APBA2: variants seen among roughly 807,000 people sequenced by gnomAD.
APBA2 encodes the protein amyloid-beta A4 precursor protein-binding family A member 2.
APBA2 carries 30 observed loss-of-function variants against 75.0 expected under a neutral mutation model. The ratio of observed to expected loss-of-function variants is 0.40; its 90% confidence interval spans 0.30 to 0.54. The LOEUF (loss-of-function observed/expected upper bound fraction) is 0.54, where lower values mean the gene tolerates loss of function less well. APBA2 is among the 20% of genes least tolerant of loss of function. The probability of loss-of-function intolerance (pLI) is 0.49; values close to 1 mark genes in which losing one functional copy is unlikely to be tolerated. For synonymous variants in APBA2, 444 were observed against 409.6 expected, an observed-to-expected ratio of 1.08 and a Z score of -1.01; for missense variants, 801 against 1,016.1, an observed-to-expected ratio of 0.79 and a Z score of 2.88.
In APBA2 at chr15:29,064,590, C is replaced by T. The variant is rs533533949; in HGVS notation, c.951+9755C>T. On this transcript the variant is annotated intron_variant, in intron 4 of 14. Coordinates refer to ENST00000683413, the MANE Select transcript of APBA2 (RefSeq NM_001353788.2). ...TTGAGAGGGGCTTTGGGAAGTCAGC[C>T]GACAAGGTGGGGATGAACATAGAGG... is the stretch of plus-strand genomic sequence containing the variant. 2.5e-4 allele frequency among the ~76,000 whole-genome samples: 38 copies of T among 152,144 alleles called. No homozygotes were observed. In the South Asian group the frequency reaches 5.2e-3, roughly 21 times the overall value.
intron 2 of APBA2, among the ~76,000 whole-genome samples, chr15:28,954,468 G>A (rs1279769429): frequency 1.3e-5 from 2 of 152,114 alleles, no homozygotes; most frequent in Non-Finnish European, 2.9e-5. Flanking sequence ...TGGTTCCAAC[G>A]TTCCCTTCTG....
At chr15:29,106,232 C>T (rs1206728752) in intron 11 of APBA2, among the ~76,000 whole-genome samples, 2 of 152,116 alleles carry the variant, frequency 1.3e-5, no homozygotes, top group Non-Finnish European at 2.9e-5. Flanking sequence ...GAGAACATTC[C>T]TCTGGCCTCT....
At chr15:28,960,186 C>T (rs968784946) in intron 2 of APBA2, among the ~76,000 whole-genome samples, 9 of 147,780 alleles carry the variant, frequency 6.1e-5, no homozygotes, top group Non-Finnish European at 1.0e-4. Flanking sequence ...TGAGACTGGG[C>T]GAAGTGGCTC....
intron 2 of APBA2, among the ~76,000 whole-genome samples, chr15:28,941,236 C>G (rs942372141): frequency 6.6e-6 from 1 of 152,156 alleles, no homozygotes; most frequent in Admixed American, 6.5e-5. Flanking sequence ...TGAAGCGTCT[C>G]AGCACATCTG....
chr15:28,969,513 C>T (rs4424881), intron 2 of APBA2, among the ~76,000 whole-genome samples: 53,435 of 152,052 alleles, frequency 0.35, 15,731 homozygotes, highest in African/African-American at 0.8. Flanking sequence ...AGGAGATAAC[C>T]TGGAATTCTG....
intron 11 of APBA2, 136 bp from the exon 12 acceptor site, chr15:29,106,471 C>A: frequency 9.9e-7 from 1 of 1,006,238 alleles, no homozygotes; most frequent in South Asian, 1.5e-5. Flanking sequence ...CCTCTCCTGG[C>A]TGAGATGAGC....
chr15:29,054,521 A>T lies in APBA2; in HGVS notation c.637A>T (p.Arg213Trp), dbSNP rs545840181. 7 of 1,613,380 alleles carry T rather than the reference A, an allele frequency of 4.3e-6. No homozygotes were observed. The South Asian group carries it at 7.7e-5, about 18-fold the overall frequency. Residue 213 changes from arginine to tryptophan, a missense_variant, in exon 4 of 15, where the codon AGG becomes TGG. Transcript: ENST00000683413. The surrounding 1 kb of genome is among the most constrained non-coding windows in gnomAD (Gnocchi z 6.1). ...GNTGASPYRL[R>W]RGDGDLEDQE... is the part of the protein sequence containing the mutation. ...CACCGGCGCCTCCCCCTACCGCCTG[A>T]GGCGTGGGGATGGGGACCTGGAGGA...
intron 4 of APBA2, among the ~76,000 whole-genome samples, chr15:29,055,940 G>T (rs2041866212): frequency 6.6e-6 from 1 of 152,172 alleles, no homozygotes; most frequent in Admixed American, 6.5e-5. Context: ...GGTGTTGGGA[G>T]AGTTCACCCC....
chr15:28,999,312 C>T (rs2038720231), intron 3 of APBA2, among the ~76,000 whole-genome samples: 1 of 151,998 alleles, frequency 6.6e-6, no homozygotes. Context: ...GAACTACAGG[C>T]TGGAATAAAT....
chr15:28,895,743 A>T (rs1261996844), intron 1 of APBA2: 2 of 152,298 alleles, frequency 1.3e-5, no homozygotes, highest in Non-Finnish European at 2.9e-5. Context: ...ACTGCGCTGG[A>T]TGCTGGCTGA....
intron 3 of APBA2, among the ~76,000 whole-genome samples, chr15:29,050,333 C>G (rs1595833938): frequency 1.3e-5 from 2 of 152,120 alleles, no homozygotes; most frequent in East Asian, 3.9e-4. Context: ...AAAGAGTTAC[C>G]TCCTAAGTAA....
intron 9 of APBA2, 43 bp from the exon 10 acceptor site, chr15:29,101,555 TC>T: frequency 6.3e-7 from 1 of 1,591,816 alleles, no homozygotes; most frequent in African/African-American, 1.3e-5. Flanking sequence ...CAATGGATTG[TC>T]CCAGTAGTGT....
intron 1 of APBA2, among the ~76,000 whole-genome samples, chr15:28,894,567 G>A (rs1280220498): frequency 6.6e-6 from 1 of 152,166 alleles, no homozygotes; most frequent in Non-Finnish European, 1.5e-5. Flanking sequence ...CTGGAATGGG[G>A]CACCCTGGGC....
intron 2 of APBA2, among the ~76,000 whole-genome samples, chr15:28,990,180 CG>C (rs1432310088): frequency 6.6e-6 from 1 of 152,116 alleles, no homozygotes; most frequent in Admixed American, 6.6e-5. Context: ...GAGGCTGAGG[CG>C]GGTGGATCAC....
At chr15:28,988,834 T>A (rs1300056293) in intron 2 of APBA2, among the ~76,000 whole-genome samples, 1 of 152,048 alleles carries the variant, frequency 6.6e-6, no homozygotes, top group Non-Finnish European at 1.5e-5. Context: ...TGGGAGAGAG[T>A]ACAGTAATCT....
At chr15:29,080,160 T>G (rs540276155) in intron 6 of APBA2, among the ~76,000 whole-genome samples, 3 of 152,332 alleles carry the variant, frequency 2.0e-5, no homozygotes, top group Admixed American at 2.0e-4. Flanking sequence ...GTGCTTTCTT[T>G]GAGCCAGGCC....
chr15:29,052,684 G>A (rs1338398921), intron 3 of APBA2, among the ~76,000 whole-genome samples: 2 of 152,092 alleles, frequency 1.3e-5, no homozygotes, highest in Non-Finnish European at 2.9e-5. Context: ...TCTGTTTTCT[G>A]TTGCTATAAC....
chr15:28,919,680 T>C (rs569881767), intron 1 of APBA2, among the ~76,000 whole-genome samples: 2 of 152,198 alleles, frequency 1.3e-5, no homozygotes, highest in Non-Finnish European at 2.9e-5. Flanking sequence ...GTGAGCATCC[T>C]GCAGCTGTCT....
chr15:29,002,517 T>A (rs972432099), intron 3 of APBA2, among the ~76,000 whole-genome samples: 3 of 151,108 alleles, frequency 2.0e-5, no homozygotes, highest in Admixed American at 1.3e-4. Context: ...TAAGAAACCC[T>A]CATTACAAGA....
Sources: gnomAD v4.1 joint callset for allele counts (sites outside exome capture counted in the v4.1 genomes callset) on GRCh38, gnomAD v4.1.1 for gene constraint, Gnocchi (gnomAD v3.1) non-coding constraint, MANE v1.5 for transcripts, NCBI Gene and HGNC (gene_info 2026-07-23, HGNC 2026-07-21) for gene names.